The following ZNF521 variants were observed in gnomAD, a reference collection of about 807,000 sequenced individuals.
The protein encoded by ZNF521 is zinc finger protein 521.
A neutral mutation model predicts 105.5 loss-of-function variants in ZNF521; 14 were observed. The observed-to-expected ratio is 0.13, with a 90% CI of 0.09 to 0.21. The LOEUF is 0.21. Ranked by LOEUF, ZNF521 falls within the 10% of genes least tolerant of loss-of-function variation. The pLI is 1.00. For synonymous variants in ZNF521, 635 were observed against 606.0 expected, an observed-to-expected ratio of 1.05 and a Z score of -0.70; for missense variants, 1,233 against 1,629.7, an observed-to-expected ratio of 0.76 and a Z score of 4.19.
At chr18:25,244,763 T>A (rs1447947082) in intron 3 of ZNF521, among the ~76,000 whole-genome samples, 2 of 152,238 alleles carry the variant, frequency 1.3e-5, no homozygotes, top group African/African-American at 2.4e-5. Flanking sequence ...TTTAAGTGTC[T>A]CTTCTGCTGG....
intron 3 of ZNF521, among the ~76,000 whole-genome samples, chr18:25,310,418 A>T (rs1912235059): frequency 6.7e-6 from 1 of 150,290 alleles, no homozygotes; most frequent in African/African-American, 2.5e-5. Flanking sequence ...CAGATTTAAA[A>T]CAAAAAACAG....
chr18:25,289,007 A>G (rs1245715065), intron 3 of ZNF521, among the ~76,000 whole-genome samples: 27 of 152,352 alleles, frequency 1.8e-4, no homozygotes. Flanking sequence ...TCCTTAGAAT[A>G]AAAGGCAATA....
At chr18:25,342,035 A>G (rs1380948909) in intron 2 of ZNF521, among the ~76,000 whole-genome samples, 2 of 152,218 alleles carry the variant, frequency 1.3e-5, no homozygotes, top group Admixed American at 6.5e-5. Context: ...TACAGAGGGT[A>G]AATGGCTTGC....
intron 7 of ZNF521, among the ~76,000 whole-genome samples, chr18:25,085,247 AATATG>A (rs1567954944): frequency 2.0e-5 from 3 of 149,646 alleles, no homozygotes; most frequent in South Asian, 4.2e-4. Flanking sequence ...ATATAAGTAT[AATATG>A]ATATAATTTT....
At chr18:25,234,056 T>A (rs1208199841) in intron 3 of ZNF521, among the ~76,000 whole-genome samples, 1 of 152,172 alleles carries the variant, frequency 6.6e-6, no homozygotes, top group Non-Finnish European at 1.5e-5. Context: ...CGCACGGAAA[T>A]CAAGACATTG....
In ZNF521 at chr18:25,247,690, C is replaced by T. The variant is rs1285207651; in HGVS notation, c.221-19993G>A. On this transcript the variant is annotated intron_variant, in intron 3 of 7. Coordinates refer to ENST00000361524, the MANE Select transcript of ZNF521 (RefSeq NM_015461.3). ...TTATGGCCCCAAGTTTATTTGCAGG[C>T]AGCAGAGACAGAGCTGTTGAAGGAT... Among the ~76,000 whole-genome samples, 6 of 152,142 alleles carry T rather than the reference C, an allele frequency of 3.9e-5. No homozygotes were observed. In the South Asian group the frequency reaches 1.0e-3, roughly 26 times the overall value.
intron 7 of ZNF521, among the ~76,000 whole-genome samples, chr18:25,082,111 T>C (rs760193739): frequency 1.3e-5 from 2 of 152,174 alleles, no homozygotes; most frequent in Non-Finnish European, 2.9e-5. Flanking sequence ...TAAGTGGAAG[T>C]TGCTGTAGCA....
intron 1 of ZNF521, 113 bp downstream of exon 1, chr18:25,351,883 GGCGGCAGCA>G (rs879904108): frequency 1.8e-5 from 5 of 274,748 alleles, no homozygotes; most frequent in Admixed American, 7.8e-5. Flanking sequence ...CGGCAGCGGC[GGCGGCAGCA>G]GCGGCGGCAG....
intron 2 of ZNF521, chr18:25,322,459 T>C: frequency 4.4e-6 from 2 of 458,722 alleles, no homozygotes; most frequent in South Asian, 4.5e-5. Context: ...AAGACTGACT[T>C]TACCATTTTT....
chr18:25,198,522 T>A (rs1300912940), intron 4 of ZNF521, among the ~76,000 whole-genome samples: 2 of 151,880 alleles, frequency 1.3e-5, no homozygotes, highest in African/African-American at 4.8e-5. Context: ...TTAAAACTTA[T>A]ACTTTGTAGA....
At chr18:25,176,113 G>A (rs994989996) in intron 5 of ZNF521, among the ~76,000 whole-genome samples, 17 of 152,162 alleles carry the variant, frequency 1.1e-4, no homozygotes, top group African/African-American at 4.1e-4. Context: ...ATTATATACA[G>A]GCATATTTTC....
chr18:25,086,444 T>C (rs893625930), intron 7 of ZNF521, among the ~76,000 whole-genome samples: 1 of 152,120 alleles, frequency 6.6e-6, no homozygotes, highest in Non-Finnish European at 1.5e-5. Context: ...CTTTCAAAAC[T>C]AGAAAAAGTC....
At chr18:25,197,079 C>A (rs549121642) in intron 4 of ZNF521, among the ~76,000 whole-genome samples, 1 of 151,724 alleles carries the variant, frequency 6.6e-6, no homozygotes, top group Admixed American at 6.6e-5. Context: ...TAATAAAATG[C>A]CAGCACTTAC....
intron 5 of ZNF521, among the ~76,000 whole-genome samples, chr18:25,146,070 G>A (rs2034937710): frequency 6.6e-6 from 1 of 152,122 alleles, no homozygotes; most frequent in Non-Finnish European, 1.5e-5. Context: ...AACCTTATTA[G>A]TTAGCTATTA....
chr18:25,219,691 C>A (rs1905565858), intron 4 of ZNF521, among the ~76,000 whole-genome samples: 1 of 152,048 alleles, frequency 6.6e-6, no homozygotes, highest in African/African-American at 2.4e-5. Context: ...GTGGCATGAG[C>A]CTGTAGTCTC....
chr18:25,128,856 T>C (rs571033285), intron 5 of ZNF521, among the ~76,000 whole-genome samples: 8 of 152,060 alleles, frequency 5.3e-5, no homozygotes, highest in Non-Finnish European at 8.8e-5. Flanking sequence ...CAACTCAATA[T>C]TGTTAAGATG....
chr18:25,272,320 T>C (rs180801223), intron 3 of ZNF521, among the ~76,000 whole-genome samples: 22 of 152,286 alleles, frequency 1.4e-4, no homozygotes, highest in Admixed American at 1.0e-3. Flanking sequence ...GGTGGGAGTG[T>C]CAATTAGTTC....
intron 5 of ZNF521, among the ~76,000 whole-genome samples, chr18:25,173,383 C>G (rs902031837): frequency 6.6e-6 from 1 of 152,188 alleles, no homozygotes; most frequent in Non-Finnish European, 1.5e-5. Context: ...CCTCATCACA[C>G]ATTCCATCCC....
At chr18:25,099,242 A>G (rs1555633860) in intron 5 of ZNF521, among the ~76,000 whole-genome samples, 1 of 152,220 alleles carries the variant, frequency 6.6e-6, no homozygotes, top group Non-Finnish European at 1.5e-5. Flanking sequence ...ATTTCATCAG[A>G]ATAAAATGCC....
Sources: allele counts gnomAD v4.1 joint callset (sites outside exome capture counted in the v4.1 genomes callset), GRCh38; gene constraint gnomAD v4.1.1; transcripts MANE v1.5; gene names NCBI Gene and HGNC (gene_info 2026-07-23, HGNC 2026-07-21).